The following MCF2L2 variants were observed in gnomAD, a reference collection of about 807,000 sequenced individuals.
MCF2L2 encodes MCF.2 cell line derived transforming sequence-like 2, also known as probable guanine nucleotide exchange factor MCF2L2.
Under a neutral mutation model 150.2 loss-of-function variants are expected in MCF2L2, and 102 were observed. The observed-to-expected ratio is 0.68, with a 90% confidence interval of 0.58 to 0.80. The LOEUF (loss-of-function observed/expected upper bound fraction) is 0.80, where lower values mean the gene tolerates loss of function less well. Ranked by LOEUF, MCF2L2 falls within the 30% of genes least tolerant of loss-of-function variation. The pLI is 0.00. For missense variants in MCF2L2, 1,256 were observed against 1,372.8 expected, an observed-to-expected ratio of 0.91 and a Z score of 1.34; for synonymous variants, 465 against 491.3, an observed-to-expected ratio of 0.95 and a Z score of 0.71.
At chr3:183,233,068 G>A (rs758177242) in intron 15 of MCF2L2, among the ~76,000 whole-genome samples, 2 of 152,070 alleles carry the variant, frequency 1.3e-5, no homozygotes, top group Admixed American at 6.6e-5. Context: ...TATGGTACAT[G>A]GGCCGGGCAT....
intron 1 of MCF2L2, among the ~76,000 whole-genome samples, chr3:183,416,657 T>C (rs1715603296): frequency 6.6e-6 from 1 of 152,136 alleles, no homozygotes; most frequent in Admixed American, 6.5e-5. Flanking sequence ...TAATTGGCCC[T>C]CTGTATCTGT....
chr3:183,281,324 C>T (rs1233297288), intron 14 of MCF2L2, among the ~76,000 whole-genome samples: 5 of 151,468 alleles, frequency 3.3e-5, no homozygotes, highest in African/African-American at 1.2e-4. Context: ...CTCTGTCTTC[C>T]TCTCCAGAAC....
At chr3:183,353,265 T>C (rs1398611051) in intron 3 of MCF2L2, among the ~76,000 whole-genome samples, 1 of 152,060 alleles carries the variant, frequency 6.6e-6, no homozygotes, top group Non-Finnish European at 1.5e-5. Flanking sequence ...GAAAAGACCA[T>C]ATTTAGAGGA....
At chr3:183,301,561 G>A (rs10937120) in intron 10 of MCF2L2, among the ~76,000 whole-genome samples, 11,443 of 152,206 alleles carry the variant, frequency 0.075, 1,083 homozygotes, top group African/African-American at 0.22. Context: ...TTGGGAGGCC[G>A]AGGCAGGCGG....
At chr3:183,295,043 G>A (rs1237985211) in intron 13 of MCF2L2, among the ~76,000 whole-genome samples, 3 of 152,196 alleles carry the variant, frequency 2.0e-5, no homozygotes, top group East Asian at 1.9e-4. Flanking sequence ...GATTACAGGC[G>A]TGAGCTACCG....
intron 1 of MCF2L2, among the ~76,000 whole-genome samples, chr3:183,394,757 A>G (rs1560055698): frequency 6.6e-6 from 1 of 152,234 alleles, no homozygotes; most frequent in Non-Finnish European, 1.5e-5. Context: ...CTAGTCATCA[A>G]CAAATGAAAC....
At chr3:183,195,117 A>G in intron 26 of MCF2L2, 105 bp downstream of exon 26, 1 of 970,408 alleles carries the variant, frequency 1.0e-6, no homozygotes, top group African/African-American at 1.7e-5. Context: ...CCTTGTAATA[A>G]GCCAAGTGTT....
At chr3:183,324,260 T>G (rs745457359) in intron 5 of MCF2L2, among the ~76,000 whole-genome samples, 69 of 152,130 alleles carry the variant, frequency 4.5e-4, no homozygotes, top group Admixed American at 3.5e-3. Flanking sequence ...GAGCGAACAC[T>G]CACACATCCA....
In MCF2L2 at chr3:183,389,215, C is replaced by A. The variant is rs146877150; in HGVS notation, c.160+481G>T. On this transcript the variant is annotated intron_variant, in intron 2 of 29. Coordinates refer to ENST00000328913, the MANE Select transcript of MCF2L2 (RefSeq NM_015078.4). Reference sequence around the variant, plus strand: ...AATGCTAGACTTTTAGTCAGAACAGCCTCTCTTCATTCCCAATCAAATGCT... The same window carrying A: ...AATGCTAGACTTTTAGTCAGAACAGACTCTCTTCATTCCCAATCAAATGCT... Among the ~76,000 whole-genome samples, 432 of 152,312 alleles carry A rather than the reference C, an allele frequency of 2.8e-3. 3 individuals are homozygous for A. The highest frequency in any genetic ancestry group is 0.01 in the African/African-American group (416 of 41,546).
At chr3:183,288,847 G>A (rs1303649363) in intron 14 of MCF2L2, among the ~76,000 whole-genome samples, 1 of 151,992 alleles carries the variant, frequency 6.6e-6, no homozygotes, top group Admixed American at 6.6e-5. Context: ...GCAGATTACA[G>A]AAATAAATAA....
rs1273753300 is a variant in MCF2L2 at position 183,219,927 on chromosome 3, G to C, written c.2302-3C>G. ...GGAGACTCGAAATCCAGCAGACCCTGCATTAACCCAAAAGTCTTGTTGAAA... is the reference window on the plus strand; with the variant it reads ...GGAGACTCGAAATCCAGCAGACCCTCCATTAACCCAAAAGTCTTGTTGAAA... On this transcript the variant is annotated splice_polypyrimidine_tract_variant and splice_region_variant and intron_variant, in intron 20 of 29. Coordinates refer to ENST00000328913, the MANE Select transcript of MCF2L2 (RefSeq NM_015078.4). 3.1e-6 allele frequency: 5 copies of C among 1,608,774 alleles called. No individual in the cohort carries two copies. The highest frequency in any genetic ancestry group is 4.3e-6 in the Non-Finnish European group (5 of 1,176,322).
chr3:183,413,663 A>G (rs1448360757), intron 1 of MCF2L2, among the ~76,000 whole-genome samples: 1 of 152,232 alleles, frequency 6.6e-6, no homozygotes, highest in Non-Finnish European at 1.5e-5. Flanking sequence ...CTCGCCCTGT[A>G]AAGCCCTGCA....
intron 16 of MCF2L2, 115 bp downstream of exon 16, chr3:183,230,836 T>C: frequency 1.4e-6 from 1 of 729,770 alleles, no homozygotes; most frequent in East Asian, 2.7e-5. Context: ...TTCTAAGACC[T>C]GAAACCTTGG....
intron 3 of MCF2L2, among the ~76,000 whole-genome samples, chr3:183,360,882 T>C (rs1210635569): frequency 1.3e-5 from 2 of 150,902 alleles, no homozygotes; most frequent in African/African-American, 2.4e-5. Context: ...GGCAGGAGAA[T>C]CGTTTGAATC....
At chr3:183,299,748 C>T (rs1024148908) in intron 11 of MCF2L2, 109 of 416,812 alleles carry the variant, frequency 2.6e-4, no homozygotes, top group African/African-American at 2.2e-3. Context: ...CTCTTAAAGT[C>T]CGGCTCCACA....
At chr3:183,226,569 A>G (rs1249557427) in intron 18 of MCF2L2, 3 of 152,264 alleles carry the variant, frequency 2.0e-5, no homozygotes, top group Admixed American at 2.0e-4. Flanking sequence ...GGCGCTATCA[A>G]AAAACTTTGT....
chr3:183,304,161 C>A (rs561823517), intron 10 of MCF2L2, among the ~76,000 whole-genome samples: 1 of 152,322 alleles, frequency 6.6e-6, no homozygotes, highest in Non-Finnish European at 1.5e-5. Context: ...GATCAGAGCA[C>A]CTGCTTCATT....
At chr3:183,351,192 A>ATATATATATATATG (rs1731105213) in intron 3 of MCF2L2, among the ~76,000 whole-genome samples, 1 of 24,092 alleles carries the variant, frequency 4.2e-5, no homozygotes, top group Non-Finnish European at 9.1e-5. Flanking sequence ...TTTCTTAAGT[A>ATATATATATATATG]TATATATATA....
intron 15 of MCF2L2, among the ~76,000 whole-genome samples, chr3:183,232,974 G>A (rs1043453528): frequency 6.6e-6 from 1 of 152,248 alleles, no homozygotes; most frequent in Non-Finnish European, 1.5e-5. Context: ...TCACTTCTAG[G>A]AATGTTCATT....
Sources: gnomAD v4.1 joint callset for allele counts (sites outside exome capture counted in the v4.1 genomes callset) on GRCh38, gnomAD v4.1.1 for gene constraint, MANE v1.5 for transcripts, NCBI Gene and HGNC (gene_info 2026-07-23, HGNC 2026-07-21) for gene names.